The following TET3 variants were observed in gnomAD, a reference collection of about 807,000 sequenced individuals.
TET3 encodes the protein tet methylcytosine dioxygenase 3.
TET3 carries 19 observed loss-of-function variants against 141.4 expected under a neutral mutation model. The ratio of observed to expected loss-of-function variants is 0.13; its 90% CI spans 0.09 to 0.20. The LOEUF is 0.20. Ranked by LOEUF, TET3 falls within the 10% of genes least tolerant of loss-of-function variation. The pLI, the probability that TET3 is intolerant of heterozygous loss-of-function variation, is 1.00. For synonymous variants in TET3, 1,043 were observed against 980.9 expected, an observed-to-expected ratio of 1.06 and a Z score of -1.18; for missense variants, 1,874 against 2,356.9, an observed-to-expected ratio of 0.80 and a Z score of 4.24.
the TET3 span, among the ~76,000 whole-genome samples, chr2:74,132,426 C>T: frequency 6.6e-6 from 1 of 152,192 alleles, no homozygotes; most frequent in African/African-American, 2.4e-5. Context: ...TCACTGTGTG[C>T]CATCCAGGCT....
In TET3 at chr2:74,099,102, G is replaced by A. The variant is rs533180684; in HGVS notation, c.3268-174G>A. Among the ~76,000 whole-genome samples the A allele has an allele frequency of 9.8e-5, 15 of 152,328 alleles. No homozygotes were observed. In the South Asian group the frequency reaches 2.7e-3, roughly 27 times the overall value. ...GTGGACTGTAAATGCTGGTGATACTGTTGCCCCGTGAACCAAGATCAATGT... is the reference window on the plus strand; with the variant it reads ...GTGGACTGTAAATGCTGGTGATACTATTGCCCCGTGAACCAAGATCAATGT... On this transcript the variant is annotated intron_variant, in intron 10 of 11. Transcript: ENST00000409262.
At chr2:74,113,012 A>C (rs828896), downstream of TET3, among the ~76,000 whole-genome samples, 721 of 74,904 alleles carry the variant, frequency 9.6e-3, 4 homozygotes, top group South Asian at 0.039. Context: ...GTCTCAAAAA[A>C]AAAAAAAAAA....
Position 73,986,142 on chromosome 2 carries a change from G to A in TET3, c.-262G>A, listed in dbSNP as rs1684017187. ...CGGGCCAAGATGATCCCTTTTCTGAGGGCTGCTGCTGGTGTCCTCCCCCAG... is the reference window on the plus strand; with the variant it reads ...CGGGCCAAGATGATCCCTTTTCTGAAGGCTGCTGCTGGTGTCCTCCCCCAG... On this transcript the variant is annotated 5_prime_UTR_variant, in exon 2 of 12. Coordinates refer to ENST00000409262, the MANE Select transcript of TET3 (RefSeq NM_001287491.2). 1 of 335,086 alleles carries A rather than the reference G, an allele frequency of 3.0e-6. No homozygotes were observed. The highest frequency in any genetic ancestry group is 4.9e-5 in the Admixed American group (1 of 20,514). The allele number at this position is 335,086 out of a possible 1,614,324, so 20.8% of individuals were successfully genotyped here.
At chr2:74,010,781 C>T (rs1314363408) in intron 3 of TET3, among the ~76,000 whole-genome samples, 3 of 152,184 alleles carry the variant, frequency 2.0e-5, no homozygotes, top group African/African-American at 4.8e-5. Flanking sequence ...TTGATCAATA[C>T]AGAGTTTGCA....
intron 4 of TET3, among the ~76,000 whole-genome samples, chr2:74,048,978 G>A (rs553419851): frequency 6.6e-6 from 1 of 152,274 alleles, no homozygotes; most frequent in Non-Finnish European, 1.5e-5. Flanking sequence ...TTAAAGCAAG[G>A]AATGCCCTGT....
intron 4 of TET3, among the ~76,000 whole-genome samples, chr2:74,066,067 C>T (rs1688882940): frequency 6.6e-6 from 1 of 152,104 alleles, no homozygotes; most frequent in African/African-American, 2.4e-5. Context: ...CACCTGGTTC[C>T]TTTTAAGGGA....
At chr2:74,112,250 T>G (rs929817669), downstream of TET3, among the ~76,000 whole-genome samples, 1 of 152,124 alleles carries the variant, frequency 6.6e-6, no homozygotes, top group East Asian at 1.9e-4. Context: ...TTTGGTGTCT[T>G]TTATCTGATT....
chr2:74,124,237 G>GCCAGCC, the TET3 span, among the ~76,000 whole-genome samples: 1 of 148,312 alleles, frequency 6.7e-6, no homozygotes, highest in Non-Finnish European at 1.5e-5. Flanking sequence ...CCCCCGCCCA[G>GCCAGCC]CCAGCCGCCC....
At chr2:73,996,437 C>T (rs965665854) in intron 2 of TET3, among the ~76,000 whole-genome samples, 4 of 152,164 alleles carry the variant, frequency 2.6e-5, no homozygotes, top group Non-Finnish European at 4.4e-5. Flanking sequence ...AGTTGCCACA[C>T]CCAGGGTGGA....
chr2:73,993,168 A>G (rs868650163), intron 2 of TET3: 3 of 152,250 alleles, frequency 2.0e-5, no homozygotes, highest in Non-Finnish European at 4.4e-5. Flanking sequence ...TGGGGCTCCC[A>G]GGTGTACCTA....
At chr2:74,111,269 C>T (rs1039959487), downstream of TET3, among the ~76,000 whole-genome samples, 6 of 152,190 alleles carry the variant, frequency 3.9e-5, no homozygotes, top group Non-Finnish European at 7.3e-5. Flanking sequence ...GCCACCAGGC[C>T]TCAACTATGA....
At chr2:74,010,864 A>G (rs544613135) in intron 3 of TET3, among the ~76,000 whole-genome samples, 1 of 152,258 alleles carries the variant, frequency 6.6e-6, no homozygotes, top group Non-Finnish European at 1.5e-5. Flanking sequence ...CCATGAGTTC[A>G]TAGTTATTAA....
chr2:74,009,374 A>AGT (rs1558707070), intron 3 of TET3, among the ~76,000 whole-genome samples: 1 of 152,144 alleles, frequency 6.6e-6, no homozygotes, highest in Non-Finnish European at 1.5e-5. Flanking sequence ...TTCTCCCTTG[A>AGT]GTGTGACCCT....
intron 4 of TET3, among the ~76,000 whole-genome samples, chr2:74,053,249 C>CA (rs1164156694): frequency 6.6e-6 from 1 of 152,136 alleles, no homozygotes; most frequent in Non-Finnish European, 1.5e-5. Context: ...AGAGTCCCCC[C>CA]CCAACCATCC....
chr2:74,132,338 A>T, the TET3 span, among the ~76,000 whole-genome samples: 1 of 152,186 alleles, frequency 6.6e-6, no homozygotes, highest in South Asian at 2.1e-4. Flanking sequence ...GGTGGCTCCT[A>T]ATTCAAGATG....
intron 3 of TET3, among the ~76,000 whole-genome samples, chr2:74,013,807 A>G (rs1412493921): frequency 6.6e-6 from 1 of 152,112 alleles, no homozygotes; most frequent in Non-Finnish European, 1.5e-5. Flanking sequence ...GCGAGACTCC[A>G]TCTCAAAAAA....
chr2:74,042,590 A>G (rs1211190889), intron 3 of TET3, among the ~76,000 whole-genome samples: 2 of 152,370 alleles, frequency 1.3e-5, no homozygotes, highest in East Asian at 3.9e-4. Flanking sequence ...TGTCAGCCAC[A>G]GTATCTCCCC....
At chr2:74,044,311 C>T (rs1687499517) in intron 3 of TET3, among the ~76,000 whole-genome samples, 1 of 152,214 alleles carries the variant, frequency 6.6e-6, no homozygotes, top group Non-Finnish European at 1.5e-5. Context: ...AGGGATCATA[C>T]TTGGGACTTC....
chr2:74,032,690 G>C (rs1179579573), intron 3 of TET3, among the ~76,000 whole-genome samples: 1 of 152,066 alleles, frequency 6.6e-6, no homozygotes, highest in Non-Finnish European at 1.5e-5. Flanking sequence ...AGGGGCTTCC[G>C]TCAGGAGAGC....
Sources: gnomAD v4.1 joint callset for allele counts (sites outside exome capture counted in the v4.1 genomes callset) on GRCh38, gnomAD v4.1.1 for gene constraint, MANE v1.5 for transcripts, NCBI Gene and HGNC (gene_info 2026-07-23, HGNC 2026-07-21) for gene names.